RBMS1: variants seen among roughly 807,000 people sequenced by gnomAD.
RBMS1 encodes the protein RNA binding motif single stranded interacting protein 1, also known as RNA-binding motif, single-stranded-interacting protein 1.
RBMS1 carries 17 observed loss-of-function variants against 62.3 expected under a neutral mutation model. That is an observed-to-expected ratio of 0.27 (90% CI 0.19 to 0.41). The LOEUF (loss-of-function observed/expected upper bound fraction) is 0.41. RBMS1 is among the 10% of genes least tolerant of loss of function. The pLI is 1.00. For synonymous variants in RBMS1, 172 were observed against 170.0 expected, an observed-to-expected ratio of 1.01 and a Z score of -0.09; for missense variants, 334 against 504.5, an observed-to-expected ratio of 0.66 and a Z score of 3.24.
At chr2:160,460,792 G>T (rs1194000665) in intron 1 of RBMS1, among the ~76,000 whole-genome samples, 1 of 152,174 alleles carries the variant, frequency 6.6e-6, no homozygotes. Flanking sequence ...TAGAAGAAAG[G>T]ATGTGTGTTT....
At chr2:160,397,968 C>T (rs1438981546) in intron 1 of RBMS1, among the ~76,000 whole-genome samples, 6 of 152,178 alleles carry the variant, frequency 3.9e-5, no homozygotes, top group Non-Finnish European at 8.8e-5. Context: ...AAGTCTGTCC[C>T]ATCTCTTGTC....
At chr2:160,280,001 A>AT (rs1688022269) in intron 10 of RBMS1, among the ~76,000 whole-genome samples, 1 of 152,152 alleles carries the variant, frequency 6.6e-6, no homozygotes, top group Non-Finnish European at 1.5e-5. Flanking sequence ...TTCTGTTAGA[A>AT]ATTTTTTTTT....
At chr2:160,370,885 C>T (rs1396489651) in intron 1 of RBMS1, among the ~76,000 whole-genome samples, 1 of 148,618 alleles carries the variant, frequency 6.7e-6, no homozygotes, top group African/African-American at 2.5e-5. Context: ...GTAAAAGGTG[C>T]CTTTAAGTTG....
chr2:160,281,833 A>T (rs543332486), intron 9 of RBMS1: 1 of 169,986 alleles, frequency 5.9e-6, no homozygotes, highest in African/African-American at 2.4e-5. Context: ...ACCAAATTCA[A>T]TTTCTCTTTC....
At chr2:160,399,178 T>C (rs1355157022) in intron 1 of RBMS1, among the ~76,000 whole-genome samples, 2 of 152,232 alleles carry the variant, frequency 1.3e-5, no homozygotes, top group Non-Finnish European at 2.9e-5. Context: ...TCTCCTGAGT[T>C]AGAAATTTTG....
chr2:160,285,132 C>A (rs1042226044), intron 7 of RBMS1, 88 bp from the exon 8 acceptor site: 1 of 1,304,022 alleles, frequency 7.7e-7, no homozygotes, highest in Admixed American at 1.7e-5. Flanking sequence ...TGGTGTGCAC[C>A]TGTAGTCCCA....
chr2:160,333,302 T>C (rs918684549), intron 2 of RBMS1, among the ~76,000 whole-genome samples: 4 of 152,330 alleles, frequency 2.6e-5, no homozygotes, highest in Middle Eastern at 3.4e-3. Context: ...AGGAACACAG[T>C]ATGTGTTGTA....
rs1251159726 is a variant in RBMS1 at position 160,273,247 on chromosome 2, G to A, written c.*1525C>T. On this transcript the variant is annotated 3_prime_UTR_variant, in exon 14 of 14. Coordinates refer to ENST00000348849, the MANE Select transcript of RBMS1 (RefSeq NM_016836.4). The stretch of plus-strand genomic sequence containing the variant: ...AACACTTGTAGTGATGATGTAAAGT[G>A]TGGCACTGCTTGGATCCAAATCTTC... 6.6e-6 allele frequency: 1 copy of A among 152,236 alleles called. No homozygotes were observed. Among genetic ancestry groups the A allele is most frequent in the Non-Finnish European group, 1.5e-5 (1 of 68,044 alleles). The allele number at this position is 152,236 out of a possible 1,614,324, so 9.4% of individuals were successfully genotyped here. A position where few individuals can be genotyped will look rare whatever the true frequency, so the allele number is the denominator to read the frequency against.
chr2:160,307,138 A>G (rs1222250623), intron 4 of RBMS1, among the ~76,000 whole-genome samples: 1 of 152,148 alleles, frequency 6.6e-6, no homozygotes, highest in African/African-American at 2.4e-5. Context: ...CATCATCCGA[A>G]AGAAATTAAC....
intron 1 of RBMS1, among the ~76,000 whole-genome samples, chr2:160,400,699 G>A (rs1177606711): frequency 6.6e-6 from 1 of 152,036 alleles, no homozygotes; most frequent in Non-Finnish European, 1.5e-5. Context: ...CCTTAAAAAT[G>A]TTTCAAAAAG....
chr2:160,355,153 T>C (rs1377291371), intron 2 of RBMS1, among the ~76,000 whole-genome samples: 5 of 152,150 alleles, frequency 3.3e-5, no homozygotes, highest in Non-Finnish European at 5.9e-5. Flanking sequence ...TAATTAAGTA[T>C]TGGAGATCAC....
rs554793997 is a variant in RBMS1, at chr2:160,424,375, G to GC, written c.76-56985_76-56984insG. Among the ~76,000 whole-genome samples the GC allele has an allele frequency of 3.6e-4, 47 of 131,686 alleles. 1 individual carries two copies. The highest frequency in any genetic ancestry group is 1.3e-3 in the African/African-American group (46 of 34,748). The allele number at this position is 131,686 out of a possible 152,430, so 86.4% of individuals were successfully genotyped here. A position where few individuals can be genotyped will look rare whatever the true frequency, so the allele number is the denominator to read the frequency against. ...CCAGAGGTGAGAGATTGGGGGGGGG[G>GC]GGAAACAAAAAGAAAGATGTCTCAT... On this transcript the variant is annotated intron_variant, in intron 1 of 13. Transcript: ENST00000348849.
Position 160,410,185 on chromosome 2 carries a change from G to A in RBMS1, c.76-42794C>T, listed in dbSNP as rs1396141580. Among the ~76,000 whole-genome samples, 14 of 124,368 alleles carry A rather than the reference G, an allele frequency of 1.1e-4. No individual in the cohort carries two copies. The East Asian group carries it at 3.7e-3, about 33-fold the overall frequency. The allele number at this position is 124,368 out of a possible 152,430, so 81.6% of individuals were successfully genotyped here. A position where few individuals can be genotyped will look rare whatever the true frequency, so the allele number is the denominator to read the frequency against. ...TGCAGTGAGCCGAGATCACGCCGCT[G>A]CACCCCAGTCTGGGTGACAGAGTGA... On this transcript the variant is annotated intron_variant, in intron 1 of 13. Transcript: ENST00000348849.
chr2:160,308,872 T>C (rs762878645), intron 4 of RBMS1, among the ~76,000 whole-genome samples: 17 of 152,224 alleles, frequency 1.1e-4, no homozygotes, highest in Non-Finnish European at 2.2e-4. Flanking sequence ...GTTGAATAAA[T>C]GCATTGTAAA....
intron 2 of RBMS1, among the ~76,000 whole-genome samples, chr2:160,349,228 CTTGT>C (rs1430602681): frequency 2.6e-5 from 4 of 152,198 alleles, no homozygotes; most frequent in Non-Finnish European, 4.4e-5. Flanking sequence ...TGGCCACTTG[CTTGT>C]TTATTTCTGA....
intron 1 of RBMS1, among the ~76,000 whole-genome samples, chr2:160,378,646 T>C (rs951976059): frequency 6.6e-6 from 1 of 151,918 alleles, no homozygotes; most frequent in African/African-American, 2.4e-5. Flanking sequence ...CTTTGATGCT[T>C]TTCTGTCATA....
intron 8 of RBMS1, 26 bp downstream of exon 8, chr2:160,284,969 A>T (rs371140190): frequency 4.4e-6 from 7 of 1,604,916 alleles, no homozygotes; most frequent in African/African-American, 2.7e-5. Context: ...CCCTCAAGCC[A>T]TTATGGATTT....
In RBMS1 at chr2:160,373,476, T is replaced by G. The variant is rs1000993537; in HGVS notation, c.76-6085A>C. On this transcript the variant is annotated intron_variant, in intron 1 of 13. Coordinates refer to ENST00000348849, the MANE Select transcript of RBMS1 (RefSeq NM_016836.4). Reference sequence around the variant, plus strand: ...TAAGGGTTGGTTCTGTGCTCCTGAATGCTTATCAGCCCAATTGTTCTATTT... The same window carrying G: ...TAAGGGTTGGTTCTGTGCTCCTGAAGGCTTATCAGCCCAATTGTTCTATTT... 2.0e-5 allele frequency among the ~76,000 whole-genome samples: 3 copies of G among 152,360 alleles called. No individual in the cohort carries two copies. The East Asian group carries it at 5.8e-4, about 29-fold the overall frequency.
intron 1 of RBMS1, among the ~76,000 whole-genome samples, chr2:160,491,568 C>G (rs557862313): frequency 6.6e-6 from 1 of 152,322 alleles, no homozygotes; most frequent in African/African-American, 2.4e-5. Flanking sequence ...TGGTTTCTAA[C>G]TTACTAATGG....
Sources: gnomAD v4.1 joint callset for allele counts (sites outside exome capture counted in the v4.1 genomes callset) on GRCh38, gnomAD v4.1.1 for gene constraint, MANE v1.5 for transcripts, NCBI Gene and HGNC (gene_info 2026-07-23, HGNC 2026-07-21) for gene names.